The following VSTM4 variants were observed in gnomAD, a reference collection of about 807,000 sequenced individuals.
VSTM4 encodes V-set and transmembrane domain containing 4, also known as V-set and transmembrane domain-containing protein 4.
In VSTM4, 20 loss-of-function variants were observed where a neutral mutation model predicts 36.4. That is an observed-to-expected ratio of 0.55 (90% confidence interval 0.39 to 0.80). VSTM4 has a LOEUF of 0.80. Ranked by LOEUF, VSTM4 falls within the 30% of genes least tolerant of loss-of-function variation. The probability of loss-of-function intolerance (pLI) is 0.00; values close to 1 mark genes in which losing one functional copy is unlikely to be tolerated. For synonymous variants in VSTM4, 182 were observed against 173.9 expected (o/e 1.05, Z -0.37); for missense variants, 392 against 404.5 (o/e 0.97, Z 0.26).
intron 2 of VSTM4, chr10:49,103,564 A>C (rs958716015): frequency 1.1e-5 from 15 of 1,381,274 alleles, no homozygotes; most frequent in Non-Finnish European, 1.4e-5. Context: ...AGGACAGATA[A>C]TAAGAGCCAA....
chr10:49,076,462 G>A (rs1844180238), intron 4 of VSTM4, among the ~76,000 whole-genome samples: 2 of 152,256 alleles, frequency 1.3e-5, no homozygotes, highest in South Asian at 2.1e-4. Context: ...TCCAGAGCTC[G>A]GCTCTTACCC....
At chr10:49,034,520 G>A (rs116865932) in intron 7 of VSTM4, among the ~76,000 whole-genome samples, 207 of 152,168 alleles carry the variant, frequency 1.4e-3, no homozygotes, top group Middle Eastern at 3.4e-3. Context: ...ACATGTGCTC[G>A]TTGGAAATTC....
intron 6 of VSTM4, 125 bp downstream of exon 6, chr10:49,048,353 C>A (rs1399756137): frequency 3.5e-6 from 3 of 855,576 alleles, no homozygotes; most frequent in African/African-American, 1.8e-5. Flanking sequence ...ACTACATAAT[C>A]ATTAAATGTC....
chr10:49,028,537 G>C (rs1391189431), intron 7 of VSTM4, among the ~76,000 whole-genome samples: 2 of 152,182 alleles, frequency 1.3e-5, no homozygotes, highest in East Asian at 3.8e-4. Flanking sequence ...GGAATTCTGA[G>C]GTTGTGCACC....
intron 1 of VSTM4, 47 bp downstream of exon 1, chr10:49,115,384 G>T (rs1485180582): frequency 3.0e-6 from 3 of 997,974 alleles, no homozygotes; most frequent in Non-Finnish European, 3.6e-6. Context: ...CGGCGCGGCC[G>T]CCCGGCCCCC....
chr10:49,089,774 C>T (rs555508581), intron 2 of VSTM4, among the ~76,000 whole-genome samples: 23 of 152,230 alleles, frequency 1.5e-4, no homozygotes, highest in Non-Finnish European at 3.2e-4. Context: ...AAGGTTCTCC[C>T]ATAAGTATCT....
Position 49,115,417 on chromosome 10 carries a change from C to A in VSTM4, c.55+14G>T. On this transcript the variant is annotated intron_variant, in intron 1 of 7. Transcript: ENST00000332853. ...CCCACCCTTCCCGCTCCCGCCTGGCCCCGCCGCGCTTACCCGGAGCCGGAG... is the reference window on the plus strand; with the variant it reads ...CCCACCCTTCCCGCTCCCGCCTGGCACCGCCGCGCTTACCCGGAGCCGGAG... 9.7e-7 allele frequency: 1 copy of A among 1,031,096 alleles called. No homozygotes were observed. The highest frequency in any genetic ancestry group is 5.0e-5 in the Admixed American group (1 of 20,046). The allele number at this position is 1,031,096 out of a possible 1,614,324, so 63.9% of individuals were successfully genotyped here.
chr10:49,069,979 G>A (rs977167063), intron 4 of VSTM4, among the ~76,000 whole-genome samples: 2 of 61,896 alleles, frequency 3.2e-5, no homozygotes, highest in Non-Finnish European at 6.1e-5. Flanking sequence ...TCGGCCGGGC[G>A]CGGTGGCTCA....
At chr10:49,066,963 G>A (rs953423200) in intron 4 of VSTM4, among the ~76,000 whole-genome samples, 3 of 152,116 alleles carry the variant, frequency 2.0e-5, no homozygotes, top group Admixed American at 6.5e-5. Flanking sequence ...GTGTACTGAA[G>A]ATAAAAATTC....
At position 49,107,518 on chromosome 10, in the gene VSTM4, C is replaced by T. The variant is rs1844803867; in HGVS notation, c.457+76G>A. On this transcript the variant is annotated intron_variant, in intron 2 of 7. Transcript: ENST00000332853. The stretch of plus-strand genomic sequence containing the variant: ...TGCAACACAGCCAACCCGGGAGCCC[C>T]TGGGTGGTGGCTGCAAAGGGGGGCC... 5 of 1,519,990 alleles carry T rather than the reference C, an allele frequency of 3.3e-6. No homozygotes were observed. The Admixed American group carries it at 1.1e-4, about 33-fold the overall frequency. The allele number at this position is 1,519,990 out of a possible 1,614,324, so 94.2% of individuals were successfully genotyped here. A position where few individuals can be genotyped will look rare whatever the true frequency, so the allele number is the denominator to read the frequency against.
chr10:49,083,196 T>C (rs576552741), intron 3 of VSTM4, among the ~76,000 whole-genome samples: 10 of 152,330 alleles, frequency 6.6e-5, no homozygotes, highest in Admixed American at 6.5e-4. Context: ...AGGCTGTGTA[T>C]TTCTATTTTT....
In VSTM4 at chr10:49,022,065, T is replaced by C. The variant is rs549506953; in HGVS notation, c.838-2290A>G. Among the ~76,000 whole-genome samples, 3 of 152,334 alleles carry C rather than the reference T, an allele frequency of 2.0e-5. No homozygotes were observed. In the South Asian group the frequency reaches 6.2e-4, roughly 32 times the overall value. On this transcript the variant is annotated intron_variant, in intron 7 of 7. Transcript: ENST00000332853. ...AGCTGCAGGGAGACTCAGCCTTCAC[T>C]GTGTACATTTGTTGTTACCTTTTGG... is the stretch of plus-strand genomic sequence containing the variant.
At chr10:49,103,646 T>C in intron 2 of VSTM4, 2 of 1,534,540 alleles carry the variant, frequency 1.3e-6, no homozygotes, top group Non-Finnish European at 1.7e-6. Flanking sequence ...CTCCATGTGC[T>C]GGGCGAGGTG....
chr10:49,078,994 G>A (rs1237451318), intron 3 of VSTM4, among the ~76,000 whole-genome samples: 1 of 151,992 alleles, frequency 6.6e-6, no homozygotes, highest in Non-Finnish European at 1.5e-5. Context: ...GCCACACCCA[G>A]CTAATTTTTG....
intron 6 of VSTM4, among the ~76,000 whole-genome samples, chr10:49,047,385 C>T (rs572938043): frequency 9.2e-5 from 14 of 152,262 alleles, no homozygotes; most frequent in Admixed American, 3.9e-4. Context: ...CACACACTAG[C>T]GCTGATCACA....
rs566690124 is a variant in VSTM4 at position 49,092,189 on chromosome 10, C to T, written c.458-6166G>A. On this transcript the variant is annotated intron_variant, in intron 2 of 7. Coordinates refer to ENST00000332853, the MANE Select transcript of VSTM4 (RefSeq NM_001031746.5). ...TTACTGTGCAGAAGAATCAACTGGG[C>T]TCTTATTAAAACGAAGACTCCCAGG... Among the ~76,000 whole-genome samples, 4 of 152,338 alleles carry T rather than the reference C, an allele frequency of 2.6e-5. No individual in the cohort carries two copies. In the East Asian group the frequency reaches 7.7e-4, roughly 29 times the overall value.
chr10:49,068,393 C>T (rs568151899), intron 4 of VSTM4, among the ~76,000 whole-genome samples: 24 of 152,218 alleles, frequency 1.6e-4, no homozygotes, highest in African/African-American at 5.5e-4. Context: ...CAGGGTTCCC[C>T]GGAGGCAGGG....
chr10:49,057,667 T>G (rs1428683725), intron 5 of VSTM4, among the ~76,000 whole-genome samples: 1 of 152,098 alleles, frequency 6.6e-6, no homozygotes. Context: ...AGTGCTTGGA[T>G]GCGGTGGGGA....
At chr10:49,099,381 G>A (rs1333555397) in intron 2 of VSTM4, among the ~76,000 whole-genome samples, 3 of 152,162 alleles carry the variant, frequency 2.0e-5, no homozygotes, top group Non-Finnish European at 4.4e-5. Flanking sequence ...GTTATTTCCT[G>A]CCTATATTTC....
Sources: allele counts gnomAD v4.1 joint callset (sites outside exome capture counted in the v4.1 genomes callset), GRCh38; gene constraint gnomAD v4.1.1; transcripts MANE v1.5; gene names NCBI Gene and HGNC (gene_info 2026-07-23, HGNC 2026-07-21).